IRAK3: variants seen among roughly 807,000 people sequenced by gnomAD.
IRAK3 encodes the protein interleukin-1 receptor-associated kinase 3.
A neutral mutation model predicts 56.6 loss-of-function variants in IRAK3; 57 were observed. That is an observed-to-expected ratio of 1.01 (90% CI 0.81 to 1.26). The LOEUF (loss-of-function observed/expected upper bound fraction) is 1.26, where lower values mean the gene tolerates loss of function less well. Among genes scored for constraint, IRAK3 ranks in the 50% most tolerant of loss-of-function variants. IRAK3 has a pLI of 0.00. For missense variants in IRAK3, 703 were observed against 719.0 expected, an observed-to-expected ratio of 0.98 and a Z score of 0.25; for synonymous variants, 258 against 255.7, an observed-to-expected ratio of 1.01 and a Z score of -0.09.
In IRAK3 at chr12:66,244,538, A is replaced by G. The variant is rs138154599; in HGVS notation, c.940A>G (p.Met314Val). ...QFQPKLTDFA[M>V]AHFRSHLEHQ... Reference sequence around the variant, plus strand: ...TCAACCCAAACTAACTGATTTTGCCATGGCACACTTCCGGTCCCACCTAGA... The same window carrying G: ...TCAACCCAAACTAACTGATTTTGCCGTGGCACACTTCCGGTCCCACCTAGA... The change falls in exon 9 of 12, where the codon ATG becomes GTG. Residue 314 changes from methionine (M) to valine (V), a missense_variant. Transcript: ENST00000261233. 3.0e-5 allele frequency: 48 copies of G among 1,614,070 alleles called. No individual in the cohort carries two copies. Among genetic ancestry groups the G allele is most frequent in the African/African-American group, 1.6e-4 (12 of 74,942 alleles).
chr12:66,243,762 G>A (rs1280911612), intron 8 of IRAK3, among the ~76,000 whole-genome samples: 1 of 152,206 alleles, frequency 6.6e-6, no homozygotes, highest in East Asian at 1.9e-4. Context: ...GCTCCTGGCT[G>A]TATGCAGTGG....
rs552559915 is a variant in IRAK3, at chr12:66,191,791, G to A, written c.133+2359G>A. ...AGGGGAAGGAGAGTGACAGAGGACT[G>A]AATCAAAGAGGCAGTCCTTTGTATG... On this transcript the variant is annotated intron_variant, in intron 1 of 11. Coordinates refer to ENST00000261233, the MANE Select transcript of IRAK3 (RefSeq NM_007199.3). Among the ~76,000 whole-genome samples the A allele has an allele frequency of 1.7e-4, 26 of 152,324 alleles. No individual in the cohort carries two copies. The East Asian group carries it at 4.8e-3, about 28-fold the overall frequency.
At chr12:66,240,175 C>T (rs1471728862) in intron 8 of IRAK3, among the ~76,000 whole-genome samples, 2 of 152,124 alleles carry the variant, frequency 1.3e-5, no homozygotes, top group South Asian at 2.1e-4. Context: ...TCACTCCTTA[C>T]GTTTTCTCAT....
intron 6 of IRAK3, among the ~76,000 whole-genome samples, chr12:66,220,287 C>A (rs1362197098): frequency 6.6e-6 from 1 of 151,876 alleles, no homozygotes; most frequent in Admixed American, 6.6e-5. Context: ...TTTCCCAACA[C>A]CATTTATTGA....
rs189000081 is a variant in IRAK3, at chr12:66,249,256, C to T, written c.*1085C>T. ...TCGGCTCACCGCAAGGTCTGCCTCC[C>T]GGGTTCACGCCATTCTCCTGCCTCA... On this transcript the variant is annotated 3_prime_UTR_variant, in exon 12 of 12. Transcript: ENST00000261233. 826 of 152,268 alleles carry T rather than the reference C, an allele frequency of 5.4e-3. 6 individuals are homozygous for T. The highest frequency in any genetic ancestry group is 7.0e-3 in the Non-Finnish European group (477 of 68,060). The allele number at this position is 152,268 out of a possible 1,614,324, so 9.4% of individuals were successfully genotyped here. A position where few individuals can be genotyped will look rare whatever the true frequency, so the allele number is the denominator to read the frequency against.
intron 8 of IRAK3, among the ~76,000 whole-genome samples, chr12:66,242,799 C>T (rs767638038): frequency 1.3e-5 from 2 of 152,204 alleles, no homozygotes; most frequent in African/African-American, 2.4e-5. Flanking sequence ...GGGGTCTGGG[C>T]GCAGTAGCTC....
In IRAK3 at chr12:66,196,843, TAGAA is replaced by T. The variant is rs1246547339; in HGVS notation, c.134-6860_134-6857del. On this transcript the variant is annotated intron_variant, in intron 1 of 11. Coordinates refer to ENST00000261233, the MANE Select transcript of IRAK3 (RefSeq NM_007199.3). ...ATTGTCTAATTTTTTGCATGCTTTG[TAGAA>T]AGAAAGAGACATCTTTCCTTTTTCC... 36 of 1,459,430 alleles carry T rather than the reference TAGAA, an allele frequency of 2.5e-5. 1 individual carries two copies. In the Admixed American group the frequency reaches 7.4e-4, roughly 30 times the overall value. The allele number at this position is 1,459,430 out of a possible 1,614,324, so 90.4% of individuals were successfully genotyped here. A position where few individuals can be genotyped will look rare whatever the true frequency, so the allele number is the denominator to read the frequency against.
At position 66,226,795 on chromosome 12, in the gene IRAK3, A is replaced by C; in HGVS notation, c.726A>C (p.Pro242=). The C allele has an allele frequency of 6.2e-7, 1 of 1,608,390 alleles. No homozygotes were observed. The highest frequency in any genetic ancestry group is 1.1e-5 in the South Asian group (1 of 90,980). ...TETEKFCLIY[P]YMRNGTLFDR... is the part of the protein sequence containing the mutation. ...CTGAGAAGTTCTGTCTGATTTATCCATACATGAGAAATGGAACACTTTTTG... is the reference window on the plus strand; with the variant it reads ...CTGAGAAGTTCTGTCTGATTTATCCCTACATGAGAAATGGAACACTTTTTG... Residue 242 remains proline, a synonymous_variant, in exon 7 of 12, where the codon CCA becomes CCC. Transcript: ENST00000261233.
intron 6 of IRAK3, among the ~76,000 whole-genome samples, chr12:66,218,960 A>G (rs1438175780): frequency 6.6e-6 from 1 of 152,094 alleles, no homozygotes; most frequent in African/African-American, 2.4e-5. Flanking sequence ...ACTTAGCATA[A>G]TGTCTTCCAG....
At chr12:66,215,784 A>G (rs977763347) in intron 5 of IRAK3, among the ~76,000 whole-genome samples, 14 of 28,784 alleles carry the variant, frequency 4.9e-4, no homozygotes, top group African/African-American at 1.6e-3. Flanking sequence ...TTAACCCAAC[A>G]TGCACACACA....
intron 5 of IRAK3, among the ~76,000 whole-genome samples, chr12:66,215,794 A>G (rs866955317): frequency 0.16 from 22,686 of 146,194 alleles, 2,677 homozygotes; most frequent in African/African-American, 0.31. Context: ...ATGCACACAC[A>G]CACACACACA....
intron 1 of IRAK3, among the ~76,000 whole-genome samples, chr12:66,199,960 G>C (rs528726292): frequency 1.3e-5 from 2 of 152,152 alleles, no homozygotes; most frequent in Non-Finnish European, 2.9e-5. Context: ...TCTCTTCAAA[G>C]AGATGAGGAA....
chr12:66,189,439 C>A lies in IRAK3; in HGVS notation c.133+7C>A. On this transcript the variant is annotated splice_region_variant and intron_variant, in intron 1 of 11. Transcript: ENST00000261233. ...CTGGGCTGGCGCGGCCTGGGTGAGTCGGCGGGGACCGGCCGGGGGCGGCGG... is the reference window on the plus strand; with the variant it reads ...CTGGGCTGGCGCGGCCTGGGTGAGTAGGCGGGGACCGGCCGGGGGCGGCGG... The A allele has an allele frequency of 8.2e-7, 1 of 1,224,190 alleles. No homozygotes were observed. The highest frequency in any genetic ancestry group is 3.0e-5 in the South Asian group (1 of 32,942). The allele number at this position is 1,224,190 out of a possible 1,614,324, so 75.8% of individuals were successfully genotyped here.
chr12:66,240,620 T>A (rs1258426230), intron 8 of IRAK3, among the ~76,000 whole-genome samples: 1 of 151,812 alleles, frequency 6.6e-6, no homozygotes. Flanking sequence ...GCAACAGCCG[T>A]AATACAGACA....
chr12:66,209,233 T>C (rs540278344), intron 2 of IRAK3, among the ~76,000 whole-genome samples: 1 of 152,288 alleles, frequency 6.6e-6, no homozygotes, highest in African/African-American at 2.4e-5. Context: ...ATGTTTTAAG[T>C]GAACAAAAGT....
intron 8 of IRAK3, among the ~76,000 whole-genome samples, chr12:66,242,503 A>G (rs1362334047): frequency 6.6e-6 from 1 of 152,166 alleles, no homozygotes; most frequent in Non-Finnish European, 1.5e-5. Flanking sequence ...GTGGGTGAGG[A>G]GTGACAGATG....
At chr12:66,202,459 A>G (rs2052517300) in intron 1 of IRAK3, among the ~76,000 whole-genome samples, 1 of 152,160 alleles carries the variant, frequency 6.6e-6, no homozygotes, top group Admixed American at 6.6e-5. Context: ...GATACTCACA[A>G]AAAGATAGGG....
chr12:66,223,778 A>G lies in IRAK3; in HGVS notation c.654-2945A>G, dbSNP rs199735348. On this transcript the variant is annotated intron_variant, in intron 6 of 11. Transcript: ENST00000261233. ...ACCTAGGCTGGGGTGCAGTGATGTC[A>G]TCTCAGCTCACTGCAAGCTCTTCCT... 1.8e-4 allele frequency among the ~76,000 whole-genome samples: 27 copies of G among 148,862 alleles called. No individual in the cohort carries two copies. In the East Asian group the frequency reaches 5.1e-3, roughly 28 times the overall value.
At chr12:66,205,986 G>A (rs2052554527) in intron 2 of IRAK3, among the ~76,000 whole-genome samples, 1 of 152,134 alleles carries the variant, frequency 6.6e-6, no homozygotes, top group South Asian at 2.1e-4. Context: ...TGGCATGCAT[G>A]TCCTTATGTA....
Sources: gnomAD v4.1 joint callset for allele counts (sites outside exome capture counted in the v4.1 genomes callset) on GRCh38, gnomAD v4.1.1 for gene constraint, MANE v1.5 for transcripts, NCBI Gene and HGNC (gene_info 2026-07-23, HGNC 2026-07-21) for gene names.